Variants in CELF2 observed in about 807,000 individuals in gnomAD.
The protein encoded by CELF2 is CUG triplet repeat RNA-binding protein 2.
Under a neutral mutation model 62.6 loss-of-function variants are expected in CELF2, and 8 were observed. That is an observed-to-expected ratio of 0.13 (90% confidence interval 0.07 to 0.23). The LOEUF (loss-of-function observed/expected upper bound fraction) is 0.23, where lower values mean the gene tolerates loss of function less well. Among genes scored for constraint, CELF2 ranks in the 10% least tolerant of loss-of-function variants. CELF2 has a pLI of 1.00. For missense variants in CELF2, 333 were observed against 671.0 expected, an observed-to-expected ratio of 0.50 and a Z score of 5.56; for synonymous variants, 258 against 250.0, an observed-to-expected ratio of 1.03 and a Z score of -0.30.
rs72772093 is a variant in CELF2, at chr10:11,031,087, A to T, written c.74+12924A>T. On this transcript the variant is annotated intron_variant, in intron 1 of 12. Transcript: ENST00000633077. ...TAACTTCCAACTTAAAAATTTTTGC[A>T]TATGACTTAGACGAATGCTTGGCCT... Among the ~76,000 whole-genome samples, 332 of 152,334 alleles carry T rather than the reference A, an allele frequency of 2.2e-3. 3 individuals carry two copies. The highest frequency in any genetic ancestry group is 3.6e-3 in the Non-Finnish European group (245 of 68,020).
intron 2 of CELF2, chr10:11,171,328 C>T (rs1383696675): frequency 6.6e-6 from 1 of 152,202 alleles, no homozygotes; most frequent in African/African-American, 2.4e-5. Flanking sequence ...TCGTCTTGGT[C>T]AGGCTGCAGT....
intron 1 of CELF2, among the ~76,000 whole-genome samples, chr10:11,134,990 G>T (rs769463378): frequency 1.3e-5 from 2 of 152,140 alleles, no homozygotes; most frequent in African/African-American, 2.4e-5. Flanking sequence ...TTAGATCTTC[G>T]CATGGCCCTC....
chr10:10,728,639 G>T, the CELF2 span, among the ~76,000 whole-genome samples: 1 of 152,034 alleles, frequency 6.6e-6, no homozygotes, highest in African/African-American at 2.4e-5. Flanking sequence ...ACAGCAGGAG[G>T]ACTTTTGTAA....
the CELF2 span, among the ~76,000 whole-genome samples, chr10:10,485,395 T>A: frequency 6.6e-6 from 1 of 152,210 alleles, no homozygotes; most frequent in African/African-American, 2.4e-5. Flanking sequence ...TGGTTTGCAG[T>A]GGGAAGCACC....
intron 1 of CELF2, among the ~76,000 whole-genome samples, chr10:10,803,452 C>T (rs2054876640): frequency 6.6e-6 from 1 of 152,196 alleles, no homozygotes; most frequent in Non-Finnish European, 1.5e-5. Context: ...TAGCTACTCC[C>T]TCTCCCTGCC....
chr10:11,310,896 C>T (rs527342385), intron 9 of CELF2, among the ~76,000 whole-genome samples: 83 of 151,686 alleles, frequency 5.5e-4, no homozygotes, highest in Non-Finnish European at 1.1e-3. Flanking sequence ...GCAAAGAATA[C>T]TCATAAATCA....
chr10:10,880,337 AC>A (rs973028940), intron 1 of CELF2, among the ~76,000 whole-genome samples: 28 of 152,096 alleles, frequency 1.8e-4, no homozygotes, highest in African/African-American at 6.8e-4. Flanking sequence ...CTGTCCTTGA[AC>A]TTGCAAGTGG....
the CELF2 span, among the ~76,000 whole-genome samples, chr10:10,616,612 C>T: frequency 5.3e-5 from 8 of 151,216 alleles, no homozygotes; most frequent in Non-Finnish European, 1.0e-4. Flanking sequence ...CAGAGAGAGG[C>T]TGTTACCTAC....
the CELF2 span, among the ~76,000 whole-genome samples, chr10:10,719,055 G>A: frequency 6.9e-6 from 1 of 145,362 alleles, no homozygotes; most frequent in East Asian, 2.0e-4. Flanking sequence ...GCACAATCCT[G>A]GGTTCAAGCG....
Position 11,261,550 on chromosome 10 carries a change from G to A in CELF2, c.538+3678G>A, listed in dbSNP as rs558814422. Among the ~76,000 whole-genome samples the A allele has an allele frequency of 8.5e-5, 13 of 152,168 alleles. No homozygotes were observed. The East Asian group carries it at 1.9e-3, about 23-fold the overall frequency. On this transcript the variant is annotated intron_variant, in intron 5 of 12. Coordinates refer to ENST00000633077, the MANE Select transcript of CELF2 (RefSeq NM_001326342.2). ...CCTCAGGAAATTGTCACGACTCTACGTGGAAAGCACCTAACACCTGCCAAG... is the reference window on the plus strand; with the variant it reads ...CCTCAGGAAATTGTCACGACTCTACATGGAAAGCACCTAACACCTGCCAAG...
At chr10:10,515,870 G>A in the CELF2 span, among the ~76,000 whole-genome samples, 10 of 152,282 alleles carry the variant, frequency 6.6e-5, no homozygotes, top group Non-Finnish European at 1.5e-4. Context: ...CCGAAACAGG[G>A]AAACATCTTA....
the CELF2 span, among the ~76,000 whole-genome samples, chr10:10,681,230 TGACCTATG>T: frequency 6.6e-6 from 1 of 152,156 alleles, no homozygotes; most frequent in African/African-American, 2.4e-5. Flanking sequence ...CTGCTGTGAG[TGACCTATG>T]GGCCCCAGGA....
intron 1 of CELF2, among the ~76,000 whole-genome samples, chr10:11,151,765 AT>A (rs777176643): frequency 2.0e-5 from 3 of 152,190 alleles, no homozygotes; most frequent in Non-Finnish European, 2.9e-5. Context: ...GAAAAAAAAA[AT>A]AAGTAGATAA....
chr10:10,940,602 A>T (rs1272938381), intron 2 of CELF2, among the ~76,000 whole-genome samples: 6 of 152,222 alleles, frequency 3.9e-5, no homozygotes, highest in African/African-American at 1.4e-4. Context: ...AGTAACTCAT[A>T]TGGCTATCTT....
rs1358811610 is a variant in CELF2 at position 11,332,011 on chromosome 10, A to C, written c.*2958A>C. 6.6e-6 allele frequency: 1 copy of C among 152,226 alleles called. No individual in the cohort carries two copies. The highest frequency in any genetic ancestry group is 1.9e-4 in the East Asian group (1 of 5,206). 9.4% of individuals were successfully genotyped at this position (152,226 alleles called of 1,614,324 possible). A position where few individuals can be genotyped will look rare whatever the true frequency, so the allele number is the denominator to read the frequency against. Reference sequence around the variant, plus strand: ...TGGTTAAGATCCAAAAGAAAACAGAAAACAATTCCACGAGGCCAATCTAAA... The same window carrying C: ...TGGTTAAGATCCAAAAGAAAACAGACAACAATTCCACGAGGCCAATCTAAA... On this transcript the variant is annotated 3_prime_UTR_variant, in exon 13 of 13. Transcript: ENST00000633077.
the CELF2 span, among the ~76,000 whole-genome samples, chr10:10,593,127 G>C: frequency 1.4e-4 from 22 of 152,322 alleles, no homozygotes; most frequent in African/African-American, 5.3e-4. Context: ...AGGAACTGAA[G>C]TGGTGAGCAA....
intron 3 of CELF2, among the ~76,000 whole-genome samples, chr10:11,239,221 G>T (rs1394236715): frequency 6.6e-6 from 1 of 152,038 alleles, no homozygotes; most frequent in Non-Finnish European, 1.5e-5. Context: ...TGGCTTTGTT[G>T]CTTGTTTTTT....
chr10:11,307,356 C>T (rs191569413), intron 9 of CELF2, among the ~76,000 whole-genome samples: 24 of 152,352 alleles, frequency 1.6e-4, no homozygotes, highest in East Asian at 7.7e-4. Context: ...CTGTGATTTC[C>T]TGCAAGGTGG....
At chr10:11,055,461 T>A (rs2065020069) in intron 1 of CELF2, among the ~76,000 whole-genome samples, 1 of 152,216 alleles carries the variant, frequency 6.6e-6, no homozygotes, top group South Asian at 2.1e-4. Context: ...GGGAATAGTT[T>A]TAATGTGGAG....
Sources: allele counts gnomAD v4.1 joint callset (sites outside exome capture counted in the v4.1 genomes callset), GRCh38; gene constraint gnomAD v4.1.1; transcripts MANE v1.5; gene names NCBI Gene and HGNC (gene_info 2026-07-23, HGNC 2026-07-21).